COL19A1: variants seen among roughly 807,000 people sequenced by gnomAD.
COL19A1 encodes the protein collagen type XIX alpha 1 chain, also known as collagen alpha-1(XIX) chain.
Under a neutral mutation model 190.2 loss-of-function variants are expected in COL19A1, and 159 were observed. The ratio of observed to expected loss-of-function variants is 0.84; its 90% confidence interval spans 0.73 to 0.95. The LOEUF (loss-of-function observed/expected upper bound fraction) is 0.95. Among genes scored for constraint, COL19A1 ranks in the 40% least tolerant of loss-of-function variants. The probability of loss-of-function intolerance (pLI) is 0.00; values close to 1 mark genes in which losing one functional copy is unlikely to be tolerated. For synonymous variants in COL19A1, 509 were observed against 458.9 expected (o/e 1.11, Z -1.39); for missense variants, 1,418 against 1,431.9 (o/e 0.99, Z 0.16).
At chr6:70,199,833 C>A in intron 49 of COL19A1, 97 bp downstream of exon 49, 2 of 1,157,662 alleles carry the variant, frequency 1.7e-6, no homozygotes, top group South Asian at 1.8e-5. Context: ...TATGTATGTC[C>A]TTTATTTATA....
intron 15 of COL19A1, among the ~76,000 whole-genome samples, chr6:70,076,841 A>G (rs1346963441): frequency 6.6e-6 from 1 of 152,216 alleles, no homozygotes; most frequent in Non-Finnish European, 1.5e-5. Flanking sequence ...AAGTGGCGAT[A>G]TGCTAATACA....
At chr6:70,205,364 A>C (rs1441934713) in intron 49 of COL19A1, among the ~76,000 whole-genome samples, 1 of 152,220 alleles carries the variant, frequency 6.6e-6, no homozygotes, top group Non-Finnish European at 1.5e-5. Flanking sequence ...ATTCTCAACA[A>C]TAATGGGAAA....
intron 4 of COL19A1, among the ~76,000 whole-genome samples, chr6:69,921,297 T>TATCATATATCATATATCATATA (rs1339377623): frequency 4.5e-5 from 6 of 131,950 alleles, no homozygotes; most frequent in South Asian, 2.3e-4. Flanking sequence ...ATATCATATA[T>TATCATATATCATATATCATATA]ATCATATATC....
chr6:70,164,102 C>T (rs1210649247), intron 36 of COL19A1, among the ~76,000 whole-genome samples: 2 of 152,100 alleles, frequency 1.3e-5, no homozygotes, highest in African/African-American at 2.4e-5. Context: ...CAGAGACAGT[C>T]GAGAAGTTCT....
intron 17 of COL19A1, 139 bp from the exon 18 acceptor site, chr6:70,130,043 A>G: frequency 1.3e-6 from 1 of 775,444 alleles, no homozygotes; most frequent in African/African-American, 1.8e-5. Flanking sequence ...GAGAGAGACA[A>G]AGATGTCTGC....
chr6:69,912,697 G>A (rs1771028458), intron 4 of COL19A1, among the ~76,000 whole-genome samples: 1 of 152,070 alleles, frequency 6.6e-6, no homozygotes, highest in Admixed American at 6.5e-5. Context: ...ACTGTCCCCT[G>A]GGCCCTGAGG....
At chr6:70,144,533 G>A (rs945142089) in intron 24 of COL19A1, among the ~76,000 whole-genome samples, 7 of 152,144 alleles carry the variant, frequency 4.6e-5, no homozygotes, top group Non-Finnish European at 1.0e-4. Flanking sequence ...AACCTAAGAA[G>A]TCTCTTAATC....
In COL19A1 at chr6:70,207,383, T is replaced by TTC. The variant is rs1767957775; in HGVS notation, c.*110_*111insCT. 1 of 1,139,616 alleles carries TTC rather than the reference T, an allele frequency of 8.8e-7. No individual in the cohort carries two copies. Among genetic ancestry groups the TTC allele is most frequent in the South Asian group, 2.7e-5 (1 of 36,760 alleles). 70.6% of individuals were successfully genotyped at this position (1,139,616 alleles called of 1,614,324 possible). A position where few individuals can be genotyped will look rare whatever the true frequency, so the allele number is the denominator to read the frequency against. ...GGGTTGCTTTTTTTTTTTTTTTTTT[T>TTC]TTTTGGGAGTAAGCCAGGCATTAAA... is the stretch of plus-strand genomic sequence containing the variant. On this transcript the variant is annotated 3_prime_UTR_variant, in exon 51 of 51. Transcript: ENST00000620364.
At chr6:70,129,067 G>A in intron 17 of COL19A1, among the ~76,000 whole-genome samples, 1 of 152,194 alleles carries the variant, frequency 6.6e-6, no homozygotes, top group Non-Finnish European at 1.5e-5. Context: ...ATTTTCTAAA[G>A]CGATTGGTCT....
intron 1 of COL19A1, among the ~76,000 whole-genome samples, chr6:69,876,294 C>T (rs960286243): frequency 1.3e-5 from 2 of 152,120 alleles, no homozygotes; most frequent in African/African-American, 2.4e-5. Flanking sequence ...ATGTCAAGGT[C>T]GAATTCATAT....
At chr6:70,151,992 C>T (rs894926491) in intron 31 of COL19A1, among the ~76,000 whole-genome samples, 5 of 148,680 alleles carry the variant, frequency 3.4e-5, no homozygotes, top group African/African-American at 1.0e-4. Flanking sequence ...TACCTATTAT[C>T]GTCTCAGGGA....
chr6:70,059,121 T>A (rs542972538), intron 14 of COL19A1, among the ~76,000 whole-genome samples: 1 of 152,128 alleles, frequency 6.6e-6, no homozygotes, highest in Admixed American at 6.5e-5. Flanking sequence ...AGTTTAGAAT[T>A]TATGCAGATT....
chr6:69,946,667 G>C (rs536836198), intron 9 of COL19A1, among the ~76,000 whole-genome samples: 1 of 151,826 alleles, frequency 6.6e-6, no homozygotes, highest in East Asian at 1.9e-4. Context: ...AGTAATTAAC[G>C]CACCCCTTAA....
At chr6:70,080,324 T>C (rs1036891417) in intron 15 of COL19A1, among the ~76,000 whole-genome samples, 3 of 152,170 alleles carry the variant, frequency 2.0e-5, no homozygotes, top group African/African-American at 4.8e-5. Context: ...GAAGTCAAAC[T>C]AAACGATGGT....
chr6:70,204,941 A>G (rs974094828), intron 49 of COL19A1, among the ~76,000 whole-genome samples: 2 of 152,196 alleles, frequency 1.3e-5, no homozygotes, highest in Admixed American at 6.5e-5. Flanking sequence ...CCCTAAGTAT[A>G]TACATTTTTT....
intron 4 of COL19A1, among the ~76,000 whole-genome samples, chr6:69,927,140 A>G (rs992011792): frequency 1.3e-4 from 20 of 152,208 alleles, no homozygotes; most frequent in African/African-American, 4.8e-4. Context: ...AAAGGAAACT[A>G]GACAGTAACT....
chr6:70,070,438 A>G (rs975639825), intron 15 of COL19A1, among the ~76,000 whole-genome samples: 3 of 152,114 alleles, frequency 2.0e-5, no homozygotes, highest in East Asian at 3.8e-4. Context: ...AAAAAATGTA[A>G]TAGAACTTAT....
At chr6:69,874,874 A>T (rs193271045) in intron 1 of COL19A1, among the ~76,000 whole-genome samples, 1 of 152,266 alleles carries the variant, frequency 6.6e-6, no homozygotes, top group South Asian at 2.1e-4. Context: ...ATCACTACAG[A>T]TTCCAAAATA....
At chr6:70,120,949 T>G (rs995441835) in intron 16 of COL19A1, among the ~76,000 whole-genome samples, 2 of 152,196 alleles carry the variant, frequency 1.3e-5, no homozygotes, top group African/African-American at 4.8e-5. Context: ...TTTCATTCCC[T>G]TTGAAAAATA....
Sources: allele counts gnomAD v4.1 joint callset (sites outside exome capture counted in the v4.1 genomes callset), GRCh38; gene constraint gnomAD v4.1.1; transcripts MANE v1.5; gene names NCBI Gene and HGNC (gene_info 2026-07-23, HGNC 2026-07-21).